The following ITPK1 variants were observed in gnomAD, a reference collection of about 807,000 sequenced individuals.
ITPK1 encodes the protein inositol-tetrakisphosphate 1-kinase, also known as inositol 1,3,4-trisphosphate 5/6-kinase.
In ITPK1, 21 loss-of-function variants were observed where a neutral mutation model predicts 45.3. The ratio of observed to expected loss-of-function variants is 0.46; its 90% confidence interval spans 0.33 to 0.67. The LOEUF (loss-of-function observed/expected upper bound fraction) is 0.67, where lower values mean the gene tolerates loss of function less well. ITPK1 is among the 30% of genes least tolerant of loss of function. The pLI, the probability that ITPK1 is intolerant of heterozygous loss-of-function variation, is 0.02. For synonymous variants in ITPK1, 258 were observed against 253.6 expected, an observed-to-expected ratio of 1.02 and a Z score of -0.16; for missense variants, 474 against 573.5, an observed-to-expected ratio of 0.83 and a Z score of 1.77.
At chr14:92,963,596 C>T (rs1023835190) in intron 5 of ITPK1, among the ~76,000 whole-genome samples, 1 of 152,238 alleles carries the variant, frequency 6.6e-6, no homozygotes, top group African/African-American at 2.4e-5. Flanking sequence ...GCCAATTCCT[C>T]CTCGCCCTTC....
rs547774293 is a variant in ITPK1 at position 93,076,890 on chromosome 14, G to A, written c.96-271C>T. Among the ~76,000 whole-genome samples the A allele has an allele frequency of 1.2e-4, 19 of 152,200 alleles. No homozygotes were observed. The highest frequency in any genetic ancestry group is 9.8e-4 in the Admixed American group (15 of 15,292). On this transcript the variant is annotated intron_variant, in intron 2 of 10. Transcript: ENST00000267615. This position sits in a 1 kb window ranked among gnomAD's most constrained non-coding sequence, Gnocchi z 4.3. The stretch of plus-strand genomic sequence containing the variant: ...CGCCAGCCACCTCCCTCCACTCCTG[G>A]GCCGGGCCTCTGTCAGCCGAGCTCC...
At chr14:93,110,848 C>G (rs924413325) in intron 2 of ITPK1, among the ~76,000 whole-genome samples, 1 of 152,184 alleles carries the variant, frequency 6.6e-6, no homozygotes, top group African/African-American at 2.4e-5. Context: ...CTCCTGGAAG[C>G]CCCAGCCTAA....
At chr14:93,084,538 A>G (rs1337117611) in intron 2 of ITPK1, among the ~76,000 whole-genome samples, 4 of 151,974 alleles carry the variant, frequency 2.6e-5, no homozygotes, top group Admixed American at 2.6e-4. Flanking sequence ...TGCATGCTGA[A>G]TGAGTTGTGA....
At chr14:92,993,018 T>TG (rs1886867265) in intron 5 of ITPK1, among the ~76,000 whole-genome samples, 1 of 152,238 alleles carries the variant, frequency 6.6e-6, no homozygotes, top group African/African-American at 2.4e-5. Flanking sequence ...TGGTACCCAC[T>TG]GGTCCCACCG....
chr14:93,066,314 G>A (rs1264597096), intron 3 of ITPK1: 2 of 448,246 alleles, frequency 4.5e-6, no homozygotes, highest in Non-Finnish European at 8.9e-6. Flanking sequence ...GCATGTGTGT[G>A]TGTGTATGTG....
chr14:93,077,142 C>T (rs527741387), intron 2 of ITPK1, among the ~76,000 whole-genome samples: 3 of 152,286 alleles, frequency 2.0e-5, no homozygotes, highest in South Asian at 4.1e-4. Flanking sequence ...GCCCTGGCCT[C>T]GCCAACAGCC....
intron 3 of ITPK1, among the ~76,000 whole-genome samples, chr14:93,073,895 C>G (rs988340414): frequency 6.6e-6 from 1 of 152,138 alleles, no homozygotes; most frequent in Non-Finnish European, 1.5e-5. Flanking sequence ...CGGGAGACGC[C>G]CCTCAGGGAC....
chr14:93,079,468 G>A (rs1322103213), intron 2 of ITPK1, among the ~76,000 whole-genome samples: 1 of 152,218 alleles, frequency 6.6e-6, no homozygotes, highest in African/African-American at 2.4e-5. Context: ...CCGGAACAGG[G>A]CTCTCCCCAC....
intron 3 of ITPK1, among the ~76,000 whole-genome samples, chr14:93,048,769 T>C (rs1297225066): frequency 6.6e-6 from 1 of 152,106 alleles, no homozygotes; most frequent in Non-Finnish European, 1.5e-5. Context: ...GCCAACACCA[T>C]GAAACCCCAT....
chr14:92,989,787 G>A (rs1424185362), intron 5 of ITPK1, among the ~76,000 whole-genome samples: 1 of 152,186 alleles, frequency 6.6e-6, no homozygotes. Context: ...CCTAGGGGGT[G>A]CGGGTGTGGG....
chr14:93,041,526 C>T lies in ITPK1; in HGVS notation c.121-24725G>A, dbSNP rs949600079. On this transcript the variant is annotated intron_variant, in intron 3 of 10. Coordinates refer to ENST00000267615, the MANE Select transcript of ITPK1 (RefSeq NM_014216.6). ...AAAACACAGGAAGCTGGGAGAGCCA[C>T]GCTCAGAAACCGGGCCTCTGCCAGG... 3.0e-4 allele frequency among the ~76,000 whole-genome samples: 45 copies of T among 152,326 alleles called. 1 individual carries two copies. The highest frequency in any genetic ancestry group is 1.9e-4 in the African/African-American group (8 of 41,572).
At chr14:92,967,642 G>C (rs1268834094) in intron 5 of ITPK1, among the ~76,000 whole-genome samples, 1 of 152,132 alleles carries the variant, frequency 6.6e-6, no homozygotes, top group East Asian at 1.9e-4. Flanking sequence ...AGTCCAAATG[G>C]GGCAACAATC....
chr14:92,968,702 G>A (rs1885499749), intron 5 of ITPK1, among the ~76,000 whole-genome samples: 1 of 152,230 alleles, frequency 6.6e-6, no homozygotes, highest in Admixed American at 6.5e-5. Flanking sequence ...AGCCTAGGTG[G>A]GAGCAGGAAT....
chr14:92,992,383 G>A (rs931041194), intron 5 of ITPK1, among the ~76,000 whole-genome samples: 5 of 152,230 alleles, frequency 3.3e-5, no homozygotes, highest in African/African-American at 7.2e-5. Flanking sequence ...CTGGGATTCT[G>A]GATGGATCCA....
At chr14:93,038,057 CT>C (rs545277358) in intron 3 of ITPK1, among the ~76,000 whole-genome samples, 224 of 146,036 alleles carry the variant, frequency 1.5e-3, no homozygotes, top group Middle Eastern at 3.6e-3. Context: ...ATGACATATT[CT>C]TTTTTTTTTT....
intron 4 of ITPK1, among the ~76,000 whole-genome samples, chr14:93,005,771 T>C (rs907305202): frequency 1.3e-5 from 2 of 152,232 alleles, no homozygotes; most frequent in Non-Finnish European, 2.9e-5. Context: ...AAAATACATG[T>C]ACTAGGCTAT....
At chr14:92,990,913 C>T (rs1199310597) in intron 5 of ITPK1, among the ~76,000 whole-genome samples, 1 of 152,166 alleles carries the variant, frequency 6.6e-6, no homozygotes, top group Non-Finnish European at 1.5e-5. Flanking sequence ...CAATGAGGAT[C>T]CTAGCAGTCC....
intron 3 of ITPK1, among the ~76,000 whole-genome samples, chr14:93,028,643 C>G (rs1460684352): frequency 1.3e-5 from 2 of 152,220 alleles, no homozygotes; most frequent in African/African-American, 4.8e-5. Flanking sequence ...GCCTTAGCAC[C>G]AAGCCTGGCC....
At chr14:93,017,578 G>A (rs1208395796) in intron 3 of ITPK1, among the ~76,000 whole-genome samples, 1 of 152,128 alleles carries the variant, frequency 6.6e-6, no homozygotes, top group Non-Finnish European at 1.5e-5. Context: ...CCTGACCCCC[G>A]CTTCCTGACC....
Sources: gnomAD v4.1 joint callset for allele counts (sites outside exome capture counted in the v4.1 genomes callset) on GRCh38, gnomAD v4.1.1 for gene constraint, Gnocchi (gnomAD v3.1) non-coding constraint, MANE v1.5 for transcripts, NCBI Gene and HGNC (gene_info 2026-07-23, HGNC 2026-07-21) for gene names.